The following POLG variants were observed in gnomAD, a reference collection of about 807,000 sequenced individuals.
POLG encodes DNA polymerase subunit gamma-1.
In POLG, 110 loss-of-function variants were observed where a neutral mutation model predicts 155.4. The ratio of observed to expected loss-of-function variants is 0.71; its 90% CI spans 0.61 to 0.83. The LOEUF (loss-of-function observed/expected upper bound fraction) is 0.83, where lower values mean the gene tolerates loss of function less well. POLG is among the 40% of genes least tolerant of loss of function. POLG has a pLI of 0.00. For synonymous variants in POLG, 701 were observed against 631.5 expected (o/e 1.11, Z -1.65); for missense variants, 1,685 against 1,627.5 (o/e 1.04, Z -0.61).
At chr15:89,317,259 A>C in intron 22 of POLG, 117 bp downstream of exon 22, 1 of 858,420 alleles carries the variant, frequency 1.2e-6, no homozygotes, top group East Asian at 2.5e-5. Flanking sequence ...TTAGCCTAGA[A>C]TATAGCCTGA....
chr15:89,331,115 C>T (rs1013487313), intron 2 of POLG, among the ~76,000 whole-genome samples: 5 of 149,214 alleles, frequency 3.4e-5, no homozygotes. Context: ...AACACAGCTG[C>T]GAAGGAGCTC....
intron 8 of POLG, 85 bp from the exon 9 acceptor site, chr15:89,326,823 G>A (rs1420650815): frequency 2.5e-6 from 4 of 1,610,276 alleles, no homozygotes; most frequent in Admixed American, 1.7e-5. Context: ...CCAGAAGGCT[G>A]GAGCAATCCT....
chr15:89,329,306 C>A (rs191878391), intron 3 of POLG, among the ~76,000 whole-genome samples, 196 bp from the exon 4 acceptor site: 1 of 152,354 alleles, frequency 6.6e-6, no homozygotes, highest in African/African-American at 2.4e-5. Context: ...TGTAAGGGGC[C>A]TGCCTTCCCA....
chr15:89,329,600 T>C (rs1463364912), intron 3 of POLG, among the ~76,000 whole-genome samples: 2 of 152,212 alleles, frequency 1.3e-5, no homozygotes, highest in Non-Finnish European at 2.9e-5. Flanking sequence ...AAAACACTTT[T>C]CATAAAATTA....
chr15:89,333,061 T>A, intron 2 of POLG, 35 bp downstream of exon 2: 5 of 1,503,240 alleles, frequency 3.3e-6, no homozygotes, highest in Non-Finnish European at 4.4e-6. Context: ...TGGGCCCCCA[T>A]GCCTGCTTAT....
Position 89,317,485 on chromosome 15 carries a change from G to C in POLG, c.3534C>G (p.Ala1178=). Residue 1178 remains alanine, a synonymous_variant, in exon 22 of 23, where the codon GCC becomes GCG. Transcript: ENST00000268124. The stretch of plus-strand genomic sequence containing the variant: ...GGTCAATATCGACTGCACTGAAAAA[G>C]GCGACTGACTGGGGCAAGTCATTCA... The part of the protein sequence containing the change: ...LGLNDLPQSV[A]FFSAVDIDRC... 1 of 1,614,092 alleles carries C rather than the reference G, an allele frequency of 6.2e-7. No homozygotes were observed. The highest frequency in any genetic ancestry group is 1.1e-5 in the South Asian group (1 of 91,078).
In POLG at chr15:89,316,657, C is replaced by G; in HGVS notation, c.*94G>C. The G allele has an allele frequency of 8.1e-7, 1 of 1,239,556 alleles. No individual in the cohort carries two copies. Among genetic ancestry groups the G allele is most frequent in the Non-Finnish European group, 1.2e-6 (1 of 842,450 alleles). 76.8% of individuals were successfully genotyped at this position (1,239,556 alleles called of 1,614,324 possible). A position where few individuals can be genotyped will look rare whatever the true frequency, so the allele number is the denominator to read the frequency against. ...AAAAATGGCTGGCCTTAGGCAAGCC[C>G]TTTTGCAAAAAGCACAGCTGAAAGC... On this transcript the variant is annotated 3_prime_UTR_variant, in exon 23 of 23. Transcript: ENST00000268124.
chr15:89,318,792 A>G (rs2055347574), intron 20 of POLG, 43 bp from the exon 21 acceptor site: 3 of 1,576,236 alleles, frequency 1.9e-6, no homozygotes, highest in African/African-American at 1.3e-5. Flanking sequence ...GCTATGCTAC[A>G]TACCAATTAA....
intron 2 of POLG, 83 bp downstream of exon 2, chr15:89,333,013 G>A: frequency 2.7e-6 from 4 of 1,484,690 alleles, no homozygotes; most frequent in Non-Finnish European, 3.6e-6. Context: ...GCCCGTAACA[G>A]GACCTCAGAA....
chr15:89,323,781 C>T, intron 12 of POLG, 34 bp downstream of exon 12: 1 of 1,543,184 alleles, frequency 6.5e-7, no homozygotes, highest in Non-Finnish European at 9.0e-7. Context: ...CACCCAGCAC[C>T]CACCTAGAGA....
In POLG at chr15:89,325,688, T is replaced by TA. The variant is rs1160182952; in HGVS notation, c.1713-3dup. 1 of 1,600,996 alleles carries TA rather than the reference T, an allele frequency of 6.2e-7. No individual in the cohort carries two copies. Among genetic ancestry groups the TA allele is most frequent in the African/African-American group, 1.3e-5 (1 of 74,772 alleles). On this transcript the variant is annotated splice_region_variant and splice_polypyrimidine_tract_variant and intron_variant, in intron 9 of 22. Transcript: ENST00000268124. ...CGGGGGCAGAGCTTCCGGTACCATC[T>TA]ACGTCCCAGCAGGAAGACAGCAGTG...
Position 89,328,671 on chromosome 15 carries a change from C to T in POLG, c.1170+14G>A. On this transcript the variant is annotated intron_variant, in intron 5 of 22. Transcript: ENST00000268124. The stretch of plus-strand genomic sequence containing the variant: ...CCACAGCCCATGTCCCCAGAGCCCC[C>T]TCCAGCACCATACCTGGAAGTTCTC... 6.2e-7 allele frequency: 1 copy of T among 1,614,032 alleles called. No homozygotes were observed. The highest frequency in any genetic ancestry group is 8.5e-7 in the Non-Finnish European group (1 of 1,180,020).
At chr15:89,323,058 C>A (rs773268633) in intron 13 of POLG, among the ~76,000 whole-genome samples, 156 bp from the exon 14 acceptor site, 6 of 151,692 alleles carry the variant, frequency 4.0e-5, no homozygotes, top group African/African-American at 1.5e-4. Flanking sequence ...CACGCGCGCA[C>A]GCACACACAC....
chr15:89,333,172 G>T lies in POLG; in HGVS notation c.583C>A (p.Leu195Met), dbSNP rs997971133. Reference protein sequence around the residue: ...VPVAIPEERALVFDVEVCLAE... With the variant: ...VPVAIPEERAMVFDVEVCLAE... ...AAGCAGACCTCCACGTCGAACACCAGGGCCCGCTCCTCGGGGATGGCCACG... is the reference window on the plus strand; with the variant it reads ...AAGCAGACCTCCACGTCGAACACCATGGCCCGCTCCTCGGGGATGGCCACG... Residue 195 changes from leucine to methionine, a missense_variant, in exon 2 of 23, where the codon CTG becomes ATG. By Grantham distance (15) the Leu-to-Met change is conservative. Transcript: ENST00000268124. The T allele has an allele frequency of 6.4e-7, 1 of 1,562,392 alleles. No homozygotes were observed. The highest frequency in any genetic ancestry group is 1.4e-5 in the African/African-American group (1 of 73,302).
rs1384575314 is a variant in POLG, at chr15:89,318,493, C to T, written c.3482+48G>A. ...GGCCCAAGGAACGCTCACCCAAAGC[C>T]CCACATAGGAGCACATGGCCAGGCT... On this transcript the variant is annotated intron_variant, in intron 21 of 22. Transcript: ENST00000268124. The T allele has an allele frequency of 5.2e-6, 8 of 1,530,012 alleles. No homozygotes were observed. In the South Asian group the frequency reaches 6.7e-5, roughly 13 times the overall value. 94.8% of individuals were successfully genotyped at this position (1,530,012 alleles called of 1,614,324 possible). A position where few individuals can be genotyped will look rare whatever the true frequency, so the allele number is the denominator to read the frequency against.
chr15:89,333,766 G>T lies in POLG; in HGVS notation c.-12C>A, dbSNP rs1380216697. On this transcript the variant is annotated 5_prime_UTR_variant, in exon 2 of 23. Transcript: ENST00000268124. Reference sequence around the variant, plus strand: ...AGCAGGCGGCTCATGGTTGGTGCAGGGACCCCCACGCTGGGAGTCAGAACA... The same window carrying T: ...AGCAGGCGGCTCATGGTTGGTGCAGTGACCCCCACGCTGGGAGTCAGAACA... 2.0e-6 allele frequency: 3 copies of T among 1,535,000 alleles called. No individual in the cohort carries two copies. In the South Asian group the frequency reaches 3.6e-5, roughly 18 times the overall value.
intron 10 of POLG, 151 bp downstream of exon 10, chr15:89,325,299 G>GTGTGTGTGT (rs2055498559): frequency 2.5e-5 from 13 of 527,302 alleles, no homozygotes; most frequent in East Asian, 2.3e-4. Context: ...AGAGAGAGAG[G>GTGTGTGTGT]GTGTGTGTGT....
At chr15:89,323,113 C>A (rs1294426277) in intron 13 of POLG, among the ~76,000 whole-genome samples, 2 of 152,236 alleles carry the variant, frequency 1.3e-5, no homozygotes, top group African/African-American at 4.8e-5. Context: ...ACAAGCAAAC[C>A]TGGCTCCCTG....
intron 18 of POLG, among the ~76,000 whole-genome samples, chr15:89,320,047 C>T (rs1386336242): frequency 2.0e-5 from 3 of 152,238 alleles, no homozygotes; most frequent in Non-Finnish European, 4.4e-5. Context: ...TGAGCCTTAC[C>T]CGACCTCACT....
Sources: gnomAD v4.1 joint callset for allele counts (sites outside exome capture counted in the v4.1 genomes callset) on GRCh38, gnomAD v4.1.1 for gene constraint, MANE v1.5 for transcripts, NCBI Gene and HGNC (gene_info 2026-07-23, HGNC 2026-07-21) for gene names.